The following SCN3A variants were observed in gnomAD, a reference collection of about 807,000 sequenced individuals.
SCN3A encodes the protein sodium voltage-gated channel alpha subunit 3.
A neutral mutation model predicts 187.6 loss-of-function variants in SCN3A; 60 were observed. The ratio of observed to expected loss-of-function variants is 0.32; its 90% CI spans 0.26 to 0.40. SCN3A has a LOEUF of 0.40. Among genes scored for constraint, SCN3A ranks in the 10% least tolerant of loss-of-function variants. SCN3A has a pLI of 1.00. For missense variants in SCN3A, 1,601 were observed against 2,428.2 expected (o/e 0.66, Z 7.16); for synonymous variants, 788 against 829.2 (o/e 0.95, Z 0.85).
chr2:165,111,484 TACACACACACACACACACACACAC>T (rs60417556), intron 21 of SCN3A, among the ~76,000 whole-genome samples: 7 of 142,620 alleles, frequency 4.9e-5, no homozygotes, highest in South Asian at 2.4e-4. Context: ...GCCAGTCTGA[TACACACACACACACACACACACAC>T]ACACACACAC....
At chr2:165,096,260 C>T (rs1685359394) in intron 24 of SCN3A, among the ~76,000 whole-genome samples, 3 of 152,086 alleles carry the variant, frequency 2.0e-5, no homozygotes, top group African/African-American at 7.2e-5. Flanking sequence ...AGGATCCATG[C>T]AGCTAGATAT....
At chr2:165,104,921 A>G (rs1018282172) in intron 21 of SCN3A, among the ~76,000 whole-genome samples, 7 of 152,204 alleles carry the variant, frequency 4.6e-5, no homozygotes, top group Middle Eastern at 6.3e-3. Context: ...AGATAATAGG[A>G]GAAGATACAA....
intron 4 of SCN3A, 145 bp from the exon 5 acceptor site, chr2:165,168,970 C>A: frequency 3.1e-6 from 2 of 639,864 alleles, no homozygotes; most frequent in Non-Finnish European, 5.4e-6. Flanking sequence ...TAAGAAACTT[C>A]AAAGCCTGTG....
chr2:165,133,499 G>C (rs906468492), intron 15 of SCN3A, among the ~76,000 whole-genome samples: 10 of 151,684 alleles, frequency 6.6e-5, no homozygotes, highest in Admixed American at 1.3e-4. Flanking sequence ...TACCTACCAT[G>C]CCCAGCTAAT....
chr2:165,133,202 A>T lies in SCN3A; in HGVS notation c.2392-1785T>A, dbSNP rs903885521. On this transcript the variant is annotated intron_variant, in intron 15 of 27. Transcript: ENST00000283254. ...GTTTGTGGGACTGTAAACTAGTTCA[A>T]CCAATGTGGAAGTCAGTGTGGCGAT... is the stretch of plus-strand genomic sequence containing the variant. 5.9e-4 allele frequency among the ~76,000 whole-genome samples: 90 copies of T among 152,342 alleles called. 1 individual carries two copies. Among genetic ancestry groups the T allele is most frequent in the African/African-American group, 2.1e-3 (87 of 41,584 alleles).
rs1685003107 is a variant in SCN3A at position 165,090,084 on chromosome 2, T to G, written c.*66A>C. The G allele has an allele frequency of 6.5e-7, 1 of 1,543,782 alleles. No individual in the cohort carries two copies. Among genetic ancestry groups the G allele is most frequent in the East Asian group, 2.4e-5 (1 of 40,946 alleles). ...CATGGACCTCCTCTTGAAGTCCAGTTGACACATATACTTTACCTTCATAGG... is the reference window on the plus strand; with the variant it reads ...CATGGACCTCCTCTTGAAGTCCAGTGGACACATATACTTTACCTTCATAGG... On this transcript the variant is annotated 3_prime_UTR_variant, in exon 28 of 28. Coordinates refer to ENST00000283254, the MANE Select transcript of SCN3A (RefSeq NM_006922.4). The surrounding 1 kb of genome is among the most constrained non-coding windows in gnomAD (Gnocchi z 4.0).
At chr2:165,109,712 A>AT (rs1388068558) in intron 21 of SCN3A, among the ~76,000 whole-genome samples, 1 of 152,138 alleles carries the variant, frequency 6.6e-6, no homozygotes, top group Admixed American at 6.6e-5. Context: ...AGATATGATC[A>AT]TTTTGTAACA....
intron 2 of SCN3A, among the ~76,000 whole-genome samples, chr2:165,184,434 A>T (rs1204249442): frequency 6.9e-6 from 1 of 145,176 alleles, no homozygotes; most frequent in African/African-American, 2.5e-5. Flanking sequence ...GCTTAGGTGC[A>T]GGTAGACTAG....
chr2:165,089,201 C>T lies in SCN3A; in HGVS notation c.*949G>A, dbSNP rs1250536727. ...GTTTATCAGGCTATATATATATTTG[C>T]CCAAACATGCACCACAGGATAAAAT... On this transcript the variant is annotated 3_prime_UTR_variant, in exon 28 of 28. Coordinates refer to ENST00000283254, the MANE Select transcript of SCN3A (RefSeq NM_006922.4). 1 of 152,490 alleles carries T rather than the reference C, an allele frequency of 6.6e-6. No individual in the cohort carries two copies. The highest frequency in any genetic ancestry group is 6.6e-5 in the Admixed American group (1 of 15,238). The allele number at this position is 152,490 out of a possible 1,614,324, so 9.4% of individuals were successfully genotyped here.
At chr2:165,149,465 G>A (rs1401495196) in intron 11 of SCN3A, among the ~76,000 whole-genome samples, 8 of 152,078 alleles carry the variant, frequency 5.3e-5, no homozygotes, top group Non-Finnish European at 1.2e-4. Context: ...GCGAGCCACC[G>A]CACCCGGCCA....
At position 165,095,618 on chromosome 2, in the gene SCN3A, G is replaced by T; in HGVS notation, c.4324C>A (p.Leu1442Met). ...ATGACAAAGTATAAATACATGTACAGATTTTCTTCATATACAGGCTGAAGT... is the reference window on the plus strand; with the variant it reads ...ATGACAAAGTATAAATACATGTACATATTTTCTTCATATACAGGCTGAAGT... The part of the protein sequence containing the change: ...VKLQPVYEEN[L>M]YMYLYFVIFI... The change falls in exon 25 of 28, where the codon CTG becomes ATG. Residue 1442 changes from leucine (L) to methionine (M), a missense_variant. Transcript: ENST00000283254. 1 of 1,503,958 alleles carries T rather than the reference G, an allele frequency of 6.6e-7. No homozygotes were observed. The highest frequency in any genetic ancestry group is 9.2e-7 in the Non-Finnish European group (1 of 1,081,104). The allele number at this position is 1,503,958 out of a possible 1,614,324, so 93.2% of individuals were successfully genotyped here. A position where few individuals can be genotyped will look rare whatever the true frequency, so the allele number is the denominator to read the frequency against.
In SCN3A at chr2:165,091,226, T is replaced by A; in HGVS notation, c.4927A>T (p.Thr1643Ser). ...RLIKGAKGIR[T>S]LLFALMMSLP... is the part of the protein sequence containing the mutation. ...GACATCATCAAAGCAAAGAGCAGCG[T>A]GCGGATCCCCTTTGCTCCTTTGATC... The change falls in exon 28 of 28, where the codon ACG (threonine) becomes TCG (serine). Residue 1643 changes from threonine to serine, a missense_variant. Coordinates refer to ENST00000283254, the MANE Select transcript of SCN3A (RefSeq NM_006922.4). 1 of 1,614,112 alleles carries A rather than the reference T, an allele frequency of 6.2e-7. No individual in the cohort carries two copies. The highest frequency in any genetic ancestry group is 8.5e-7 in the Non-Finnish European group (1 of 1,179,990).
chr2:165,191,366 C>A (rs1341621313), intron 1 of SCN3A, among the ~76,000 whole-genome samples: 1 of 151,984 alleles, frequency 6.6e-6, no homozygotes. Context: ...TGCTCAGAAG[C>A]CCCCAGAAGC....
intron 17 of SCN3A, among the ~76,000 whole-genome samples, chr2:165,129,629 G>A (rs909456394): frequency 5.3e-5 from 8 of 152,122 alleles, no homozygotes; most frequent in Admixed American, 2.0e-4. Context: ...ATTCTTCTTA[G>A]TGATAAAAAT....
chr2:165,096,471 C>T lies in SCN3A; in HGVS notation c.4289G>A (p.Arg1430Gln), dbSNP rs771518960. The T allele has an allele frequency of 1.9e-6, 3 of 1,609,124 alleles. No individual in the cohort carries two copies. The highest frequency in any genetic ancestry group is 8.5e-7 in the Non-Finnish European group (1 of 1,175,834). ...MDIMYAAVDS[R>Q]DVKLQPVYEE... ...TAATATTTGAGTGATACTTACATCT[C>T]GTGAATCAACAGCTGCATACATAAT... The change falls in exon 24 of 28, where the codon CGA (arginine) becomes CAA (glutamine). Residue 1430 changes from arginine to glutamine, a missense_variant. Physicochemically the swap from Arg to Gln is conservative, Grantham distance 43 (BLOSUM62 1). Transcript: ENST00000283254.
chr2:165,130,540 T>C, intron 16 of SCN3A: 1 of 510,092 alleles, frequency 2.0e-6, no homozygotes, highest in Admixed American at 3.5e-5. Flanking sequence ...ATAAAACATT[T>C]CTGATTCATC....
chr2:165,174,266 A>G (rs1020567677), intron 3 of SCN3A, among the ~76,000 whole-genome samples: 1 of 152,190 alleles, frequency 6.6e-6, no homozygotes, highest in African/African-American at 2.4e-5. Context: ...AGATAATTGT[A>G]GTGATGTAAT....
intron 5 of SCN3A, among the ~76,000 whole-genome samples, chr2:165,164,869 T>C (rs1318393917): frequency 6.6e-6 from 1 of 152,164 alleles, no homozygotes; most frequent in African/African-American, 2.4e-5. Flanking sequence ...AAATTCCTAG[T>C]AGCAAGCGAA....
chr2:165,093,979 T>G (rs1685238784), intron 26 of SCN3A: 2 of 208,734 alleles, frequency 9.6e-6, no homozygotes, highest in Non-Finnish European at 1.9e-5. Context: ...ACCTTTTCCC[T>G]TTCTAAACAG....
Sources: gnomAD v4.1 joint callset for allele counts (sites outside exome capture counted in the v4.1 genomes callset) on GRCh38, gnomAD v4.1.1 for gene constraint, Gnocchi (gnomAD v3.1) non-coding constraint, MANE v1.5 for transcripts, NCBI Gene and HGNC (gene_info 2026-07-23, HGNC 2026-07-21) for gene names.